Variants in BLTP1 observed in about 807,000 individuals in gnomAD.
BLTP1 encodes the protein fragile site-associated protein.
the BLTP1 span, chr4:122,187,294 C>T: frequency 7.1e-7 from 1 of 1,415,484 alleles, no homozygotes; most frequent in African/African-American, 1.4e-5. Flanking sequence ...GATCATTGTT[C>T]TGTTTACTGA....
the BLTP1 span, chr4:122,196,836 G>A: frequency 3.5e-5 from 40 of 1,132,734 alleles, no homozygotes; most frequent in African/African-American, 5.7e-4. Flanking sequence ...TTAAAATTTT[G>A]ACATTATTTT....
the BLTP1 span, among the ~76,000 whole-genome samples, chr4:122,288,878 A>T: frequency 1.3e-5 from 2 of 152,064 alleles, no homozygotes; most frequent in Admixed American, 1.3e-4. Flanking sequence ...AAAAACAAAA[A>T]ACAAAACCCA....
chr4:122,252,951 C>CA, the BLTP1 span, among the ~76,000 whole-genome samples: 2 of 152,204 alleles, frequency 1.3e-5, no homozygotes, highest in African/African-American at 2.4e-5. Context: ...GCTCAGCACA[C>CA]ACAGAGAGAG....
chr4:122,223,871 T>G, the BLTP1 span: 668 of 417,800 alleles, frequency 1.6e-3, 6 homozygotes, highest in African/African-American at 0.013. Flanking sequence ...TTTGATTCTT[T>G]ATTCTTAATA....
At chr4:122,298,242 T>TCGATCACCTA in the BLTP1 span, 8 of 945,406 alleles carry the variant, frequency 8.5e-6, no homozygotes, top group African/African-American at 1.4e-4. Flanking sequence ...TAGTTTTTAT[T>TCGATCACCTA]TGATCACCTA....
chr4:122,350,231 C>T, the BLTP1 span: 1 of 985,180 alleles, frequency 1.0e-6, no homozygotes. Context: ...TTTCTACCTG[C>T]CAATGGAATT....
chr4:122,203,541 G>C, the BLTP1 span, among the ~76,000 whole-genome samples: 1 of 151,694 alleles, frequency 6.6e-6, no homozygotes, highest in East Asian at 1.9e-4. Context: ...TTAATTCATT[G>C]TACAAATGAG....
At chr4:122,200,035 A>G in the BLTP1 span, 7 of 975,500 alleles carry the variant, frequency 7.2e-6, no homozygotes, top group Non-Finnish European at 1.2e-6. Flanking sequence ...GCTATGTAAA[A>G]TGGTTAATAT....
the BLTP1 span, among the ~76,000 whole-genome samples, chr4:122,216,217 C>T: frequency 1.6e-4 from 25 of 151,766 alleles, no homozygotes; most frequent in Non-Finnish European, 2.8e-4. Flanking sequence ...TTGTGGACTG[C>T]GCTTCTATGA....
At chr4:122,250,345 T>A in the BLTP1 span, 2 of 1,578,300 alleles carry the variant, frequency 1.3e-6, no homozygotes, top group Non-Finnish European at 1.7e-6. Context: ...AATAAATGCT[T>A]TTTTTTATTT....
At chr4:122,291,739 T>G in the BLTP1 span, 1 of 979,612 alleles carries the variant, frequency 1.0e-6, no homozygotes, top group Non-Finnish European at 1.2e-6. Flanking sequence ...GGGCCAGGTA[T>G]ATATTTGTTG....
the BLTP1 span, chr4:122,207,284 T>A: frequency 6.3e-7 from 1 of 1,575,596 alleles, no homozygotes; most frequent in Non-Finnish European, 8.7e-7. Flanking sequence ...TTAAAAAAAA[T>A]TAGGTTAAAT....
chr4:122,301,370 C>G, the BLTP1 span: 1 of 1,598,192 alleles, frequency 6.3e-7, no homozygotes, highest in Non-Finnish European at 8.5e-7. Context: ...CTAAAATTCT[C>G]CTCTATTCCC....
At chr4:122,352,274 G>C in the BLTP1 span, among the ~76,000 whole-genome samples, 2 of 151,544 alleles carry the variant, frequency 1.3e-5, no homozygotes, top group Admixed American at 6.6e-5. Context: ...AAGTTATAAT[G>C]AGAATTGAGA....
the BLTP1 span, chr4:122,172,020 G>A: frequency 1.3e-6 from 1 of 757,350 alleles, no homozygotes; most frequent in Non-Finnish European, 1.6e-6. Flanking sequence ...TATACAAAAT[G>A]ACTTTAAACT....
At chr4:122,152,792 G>A in the BLTP1 span, among the ~76,000 whole-genome samples, 1 of 152,214 alleles carries the variant, frequency 6.6e-6, no homozygotes, top group African/African-American at 2.4e-5. Context: ...GTCTGGAAGG[G>A]CCATGGCAGT....
At chr4:122,215,502 C>T in the BLTP1 span, 1 of 985,218 alleles carries the variant, frequency 1.0e-6, no homozygotes, top group Non-Finnish European at 1.2e-6. Context: ...GAAGGTGGGA[C>T]AGAGGTGATT....
chr4:122,354,028 T>C, the BLTP1 span: 4 of 1,611,362 alleles, frequency 2.5e-6, no homozygotes, highest in African/African-American at 1.3e-5. Context: ...GTTAAAATTT[T>C]GAGTCTTTGG....
chr4:122,205,571 C>CCT, the BLTP1 span, among the ~76,000 whole-genome samples: 35 of 98,408 alleles, frequency 3.6e-4, no homozygotes, highest in Admixed American at 6.7e-4. Flanking sequence ...CAATTGTTTC[C>CCT]CTCTCTCTCT....
Sources: gnomAD v4.1 joint callset for allele counts (sites outside exome capture counted in the v4.1 genomes callset) on GRCh38, gnomAD v4.1.1 for gene constraint, MANE v1.5 for transcripts, NCBI Gene and HGNC (gene_info 2026-07-23, HGNC 2026-07-21) for gene names.